Variants in NBEA observed in about 807,000 individuals in gnomAD.
NBEA encodes the protein lysosomal-trafficking regulator 2.
In NBEA, 44 loss-of-function variants were observed where a neutral mutation model predicts 343.4. That is an observed-to-expected ratio of 0.13 (90% CI 0.10 to 0.16). The LOEUF (loss-of-function observed/expected upper bound fraction) is 0.16, where lower values mean the gene tolerates loss of function less well. Among genes scored for constraint, NBEA ranks in the 10% least tolerant of loss-of-function variants. The pLI is 1.00. For missense variants in NBEA, 2,555 were observed against 3,631.3 expected (o/e 0.70, Z 7.62); for synonymous variants, 1,175 against 1,238.7 (o/e 0.95, Z 1.08).
intron 10 of NBEA, among the ~76,000 whole-genome samples, chr13:35,094,643 C>T (rs1460566551): frequency 1.3e-5 from 2 of 151,706 alleles, no homozygotes; most frequent in African/African-American, 2.4e-5. Context: ...AATTGATTAA[C>T]GTACAGTGAA....
intron 1 of NBEA, among the ~76,000 whole-genome samples, chr13:34,954,129 T>G (rs1371627774): frequency 6.6e-6 from 1 of 152,140 alleles, no homozygotes; most frequent in East Asian, 1.9e-4. Context: ...GCATTTACAT[T>G]GTATTAGGTA....
At chr13:35,452,060 A>G (rs1196108024) in intron 39 of NBEA, 32 bp from the exon 40 acceptor site, 1 of 1,519,282 alleles carries the variant, frequency 6.6e-7, no homozygotes, top group South Asian at 1.2e-5. Context: ...CAATCATAAT[A>G]ACCTAAATGA....
At chr13:34,964,654 C>T (rs1037676861) in intron 1 of NBEA, among the ~76,000 whole-genome samples, 1 of 151,930 alleles carries the variant, frequency 6.6e-6, no homozygotes, top group African/African-American at 2.4e-5. Flanking sequence ...TACAGGTGGA[C>T]TTGGACTGTT....
intron 38 of NBEA, among the ~76,000 whole-genome samples, chr13:35,416,201 C>G (rs1391881929): frequency 6.6e-6 from 1 of 152,102 alleles, no homozygotes; most frequent in Non-Finnish European, 1.5e-5. Flanking sequence ...TTGACTTCCT[C>G]TTTTCCTAAT....
intron 1 of NBEA, among the ~76,000 whole-genome samples, chr13:34,999,342 C>T (rs1259396437): frequency 6.6e-6 from 1 of 151,990 alleles, no homozygotes; most frequent in East Asian, 1.9e-4. Flanking sequence ...CCTTTGGCTC[C>T]TTTTCAATAA....
chr13:35,277,403 CTT>C (rs1168570981), intron 34 of NBEA, among the ~76,000 whole-genome samples: 1 of 151,980 alleles, frequency 6.6e-6, no homozygotes, highest in Non-Finnish European at 1.5e-5. Flanking sequence ...GGGTAGATCA[CTT>C]GAGGTCGGGT....
intron 38 of NBEA, among the ~76,000 whole-genome samples, chr13:35,390,627 T>G (rs990804472): frequency 1.3e-5 from 2 of 152,114 alleles, no homozygotes; most frequent in Non-Finnish European, 2.9e-5. Context: ...ACTTAAATAA[T>G]GCTAAAATAA....
In NBEA at chr13:35,009,406, TCTTTGATAA is replaced by T. The variant is rs2061413117; in HGVS notation, c.295-31526_295-31518del. 3.3e-5 allele frequency among the ~76,000 whole-genome samples: 5 copies of T among 152,248 alleles called. No individual in the cohort carries two copies. The South Asian group carries it at 1.0e-3, about 32-fold the overall frequency. ...CAAGTAAGGTAAGTTAGGGAAAACC[TCTTTGATAA>T]GATGACATGGGAAGAGTTAACTGAA... is the stretch of plus-strand genomic sequence containing the variant. On this transcript the variant is annotated intron_variant, in intron 1 of 58. Transcript: ENST00000379939.
chr13:35,374,459 G>A (rs1426476771), intron 38 of NBEA, among the ~76,000 whole-genome samples: 1 of 152,142 alleles, frequency 6.6e-6, no homozygotes, highest in Non-Finnish European at 1.5e-5. Flanking sequence ...TGAGCACGTG[G>A]CACCAAGAGA....
intron 30 of NBEA, among the ~76,000 whole-genome samples, chr13:35,192,223 T>G (rs1282341708): frequency 6.6e-6 from 1 of 152,030 alleles, no homozygotes; most frequent in African/African-American, 2.4e-5. Flanking sequence ...GAATCATGGA[T>G]TAAATCCTCA....
Position 35,034,061 on chromosome 13 carries a change from G to A in NBEA, c.295-6872G>A, listed in dbSNP as rs558667891. ...ACTATGTTGAATAACAGTGTTAACC[G>A]TGGGTATCCATATCATGTTCCAGAT... On this transcript the variant is annotated intron_variant, in intron 1 of 58. Coordinates refer to ENST00000379939, the MANE Select transcript of NBEA (RefSeq NM_001385012.1). Among the ~76,000 whole-genome samples, 27 of 151,814 alleles carry A rather than the reference G, an allele frequency of 1.8e-4. No homozygotes were observed. In the South Asian group the frequency reaches 4.8e-3, roughly 27 times the overall value.
intron 38 of NBEA, among the ~76,000 whole-genome samples, chr13:35,423,103 G>T (rs1190298106): frequency 5.3e-5 from 8 of 152,210 alleles, no homozygotes; most frequent in Admixed American, 2.6e-4. Flanking sequence ...TAGGTTGTCT[G>T]TTCACTCTGA....
At chr13:35,449,491 A>G (rs565594987) in intron 39 of NBEA, among the ~76,000 whole-genome samples, 1 of 152,338 alleles carries the variant, frequency 6.6e-6, no homozygotes, top group East Asian at 1.9e-4. Context: ...AGTTAATAGT[A>G]TTCAGGCAAA....
chr13:35,095,542 T>A (rs1171646512), intron 10 of NBEA, among the ~76,000 whole-genome samples: 1 of 151,740 alleles, frequency 6.6e-6, no homozygotes, highest in East Asian at 1.9e-4. Flanking sequence ...AATGTTAGTT[T>A]CTAACTTAAA....
chr13:35,062,401 A>G (rs201786684), intron 8 of NBEA, among the ~76,000 whole-genome samples: 1 of 151,744 alleles, frequency 6.6e-6, no homozygotes, highest in East Asian at 1.9e-4. Context: ...TAGGCACAGT[A>G]TAAGAGAAAG....
chr13:35,548,876 C>T (rs2079183327), intron 41 of NBEA, among the ~76,000 whole-genome samples: 1 of 152,054 alleles, frequency 6.6e-6, no homozygotes, highest in Non-Finnish European at 1.5e-5. Context: ...ATTTAGAAAT[C>T]AAAAACCAAT....
At chr13:35,652,837 G>A (rs1194360330) in intron 53 of NBEA, among the ~76,000 whole-genome samples, 2 of 150,610 alleles carry the variant, frequency 1.3e-5, no homozygotes, top group Admixed American at 6.6e-5. Flanking sequence ...TGGGATTACA[G>A]GCGCCCGCCA....
intron 38 of NBEA, among the ~76,000 whole-genome samples, chr13:35,396,385 G>T (rs2042746277): frequency 6.6e-6 from 1 of 151,628 alleles, no homozygotes; most frequent in Non-Finnish European, 1.5e-5. Flanking sequence ...TGAATTATAT[G>T]AATATTTTTA....
chr13:35,593,951 G>C (rs2081645197), intron 47 of NBEA, among the ~76,000 whole-genome samples: 1 of 152,198 alleles, frequency 6.6e-6, no homozygotes, highest in South Asian at 2.1e-4. Context: ...ATACACATTA[G>C]ATTAAACCAA....
Sources: allele counts gnomAD v4.1 joint callset (sites outside exome capture counted in the v4.1 genomes callset), GRCh38; gene constraint gnomAD v4.1.1; transcripts MANE v1.5; gene names NCBI Gene and HGNC (gene_info 2026-07-23, HGNC 2026-07-21).